Variants in RUNX2 observed in about 807,000 individuals in gnomAD.
The protein encoded by RUNX2 is RUNX family transcription factor 2.
A neutral mutation model predicts 51.7 loss-of-function variants in RUNX2; 10 were observed. That is an observed-to-expected ratio of 0.19 (90% CI 0.12 to 0.33). The LOEUF (loss-of-function observed/expected upper bound fraction) is 0.33, where lower values mean the gene tolerates loss of function less well. RUNX2 is among the 10% of genes least tolerant of loss of function. RUNX2 has a pLI of 1.00. For synonymous variants in RUNX2, 276 were observed against 273.6 expected (o/e 1.01, Z -0.09); for missense variants, 562 against 691.3 (o/e 0.81, Z 2.10).
intron 2 of RUNX2, among the ~76,000 whole-genome samples, chr6:45,409,062 G>A (rs183568235): frequency 6.6e-6 from 1 of 152,226 alleles, no homozygotes; most frequent in East Asian, 1.9e-4. Context: ...TATCTCACAA[G>A]CCACTAGCTT....
At chr6:45,500,886 T>C (rs1037422059) in intron 6 of RUNX2, among the ~76,000 whole-genome samples, 1 of 152,228 alleles carries the variant, frequency 6.6e-6, no homozygotes. Flanking sequence ...CAGTTTCCCA[T>C]GTGGGGGAAT....
intron 7 of RUNX2, among the ~76,000 whole-genome samples, chr6:45,528,651 G>A (rs1325975859): frequency 6.6e-6 from 1 of 152,114 alleles, no homozygotes; most frequent in Non-Finnish European, 1.5e-5. Context: ...TCAATGGAAA[G>A]CATCATGCAT....
At chr6:45,329,758 T>G (rs1787083236) in intron 2 of RUNX2, among the ~76,000 whole-genome samples, 1 of 151,966 alleles carries the variant, frequency 6.6e-6, no homozygotes, top group Admixed American at 6.6e-5. Context: ...CAAGTTACTG[T>G]TGATACAGAT....
intron 5 of RUNX2, among the ~76,000 whole-genome samples, chr6:45,466,582 T>C (rs1799636416): frequency 6.6e-6 from 1 of 152,214 alleles, no homozygotes; most frequent in Non-Finnish European, 1.5e-5. Flanking sequence ...GTGGCCAGGA[T>C]GGCATTGACA....
At chr6:45,374,812 A>G (rs1796545091) in intron 2 of RUNX2, among the ~76,000 whole-genome samples, 1 of 152,220 alleles carries the variant, frequency 6.6e-6, no homozygotes, top group Non-Finnish European at 1.5e-5. Flanking sequence ...GCAAAATTTT[A>G]AAATTATCAG....
At chr6:45,354,027 T>C (rs1338238526) in intron 2 of RUNX2, among the ~76,000 whole-genome samples, 2 of 152,126 alleles carry the variant, frequency 1.3e-5, no homozygotes, top group Non-Finnish European at 2.9e-5. Flanking sequence ...AAACACAATA[T>C]TTTTACTGTT....
At chr6:45,407,842 T>C (rs1336255852) in intron 2 of RUNX2, among the ~76,000 whole-genome samples, 1 of 151,846 alleles carries the variant, frequency 6.6e-6, no homozygotes, top group Non-Finnish European at 1.5e-5. Flanking sequence ...TGCTTTAGAG[T>C]CTCAATTAGT....
chr6:45,468,606 A>G (rs1186082037), intron 5 of RUNX2, among the ~76,000 whole-genome samples: 1 of 152,234 alleles, frequency 6.6e-6, no homozygotes, highest in Non-Finnish European at 1.5e-5. Flanking sequence ...TTATTCCTAG[A>G]AAACCCAATG....
At position 45,539,211 on chromosome 6, in the gene RUNX2, G is replaced by GTT. The variant is rs36060587; in HGVS notation, c.1022-5998_1022-5997dup. Among the ~76,000 whole-genome samples, 572 of 150,914 alleles carry GTT rather than the reference G, an allele frequency of 3.8e-3. 2 individuals are homozygous for GTT. Among genetic ancestry groups the GTT allele is most frequent in the African/African-American group, 0.013 (532 of 41,076 alleles). On this transcript the variant is annotated intron_variant, in intron 7 of 8. Coordinates refer to ENST00000647337, the MANE Select transcript of RUNX2 (RefSeq NM_001024630.4). ...GGCTGAATTTTCTGAAAATTGCCAG[G>GTT]TTTTTTTTTCTCTCTCTCTCTCTCT... is the stretch of plus-strand genomic sequence containing the variant.
At chr6:45,489,493 A>C (rs566745717) in intron 5 of RUNX2, among the ~76,000 whole-genome samples, 1 of 152,328 alleles carries the variant, frequency 6.6e-6, no homozygotes, top group African/African-American at 2.4e-5. Context: ...AAGCTTATTA[A>C]ATTTTCTTGT....
chr6:45,486,585 T>A (rs1445277547), intron 5 of RUNX2, among the ~76,000 whole-genome samples: 1 of 152,220 alleles, frequency 6.6e-6, no homozygotes, highest in Non-Finnish European at 1.5e-5. Flanking sequence ...CATGCCCTAG[T>A]GATCAGCAAA....
At chr6:45,505,333 C>T (rs944233124) in intron 6 of RUNX2, among the ~76,000 whole-genome samples, 5 of 151,580 alleles carry the variant, frequency 3.3e-5, no homozygotes, top group Admixed American at 6.6e-5. Context: ...TATGTTTTCC[C>T]GGAGTCAGTT....
intron 2 of RUNX2, among the ~76,000 whole-genome samples, chr6:45,401,509 T>C (rs750693035): frequency 2.0e-5 from 3 of 152,236 alleles, no homozygotes; most frequent in East Asian, 1.9e-4. Context: ...ACTAGTTGTA[T>C]AACTTCTTTG....
In RUNX2 at chr6:45,328,790, T is replaced by C; in HGVS notation, c.58+6T>C. 6.2e-7 allele frequency: 1 copy of C among 1,611,770 alleles called. No individual in the cohort carries two copies. The highest frequency in any genetic ancestry group is 8.5e-7 in the Non-Finnish European group (1 of 1,178,386). ...TCAGCAAAACTTCTTTTGGGGTAAG[T>C]GTTACCATTTTTAAAATCCTGTAAG... On this transcript the variant is annotated splice_donor_region_variant and intron_variant, in intron 2 of 8. Coordinates refer to ENST00000647337, the MANE Select transcript of RUNX2 (RefSeq NM_001024630.4).
At chr6:45,482,125 C>CT (rs1168078928) in intron 5 of RUNX2, among the ~76,000 whole-genome samples, 2 of 152,188 alleles carry the variant, frequency 1.3e-5, no homozygotes, top group Non-Finnish European at 2.9e-5. Flanking sequence ...CCGGTTAGCT[C>CT]TTTTTTTCCT....
chr6:45,381,754 A>G (rs935668168), intron 2 of RUNX2, among the ~76,000 whole-genome samples: 1 of 152,160 alleles, frequency 6.6e-6, no homozygotes, highest in African/African-American at 2.4e-5. Flanking sequence ...CAAAAGAAAA[A>G]CCAGCGTGAA....
Position 45,328,711 on chromosome 6 carries a change from A to T in RUNX2, c.-16A>T. ...ACAGAGGGTACAAGTTCTATCTGAA[A>T]AAAAAAGGAGGGACTATGGCATCAA... On this transcript the variant is annotated 5_prime_UTR_variant, in exon 2 of 9. Coordinates refer to ENST00000647337, the MANE Select transcript of RUNX2 (RefSeq NM_001024630.4). The T allele has an allele frequency of 6.2e-7, 1 of 1,612,066 alleles. No individual in the cohort carries two copies. The highest frequency in any genetic ancestry group is 8.5e-7 in the Non-Finnish European group (1 of 1,178,636).
chr6:45,441,091 T>C (rs1441351510), intron 5 of RUNX2, among the ~76,000 whole-genome samples: 1 of 152,192 alleles, frequency 6.6e-6, no homozygotes, highest in African/African-American at 2.4e-5. Flanking sequence ...GAACAATTTA[T>C]ATGCAATTGT....
At position 45,527,570 on chromosome 6, in the gene RUNX2, A is replaced by G. The variant is rs989091550; in HGVS notation, c.1021+15163A>G. Reference sequence around the variant, plus strand: ...CTCCCAATTGTTAGTTTACTTTAAAAGGAATAATATTGCATCTTTTACAAG... The same window carrying G: ...CTCCCAATTGTTAGTTTACTTTAAAGGGAATAATATTGCATCTTTTACAAG... On this transcript the variant is annotated intron_variant, in intron 7 of 8. Transcript: ENST00000647337. 3.3e-5 allele frequency among the ~76,000 whole-genome samples: 5 copies of G among 152,212 alleles called. No individual in the cohort carries two copies. In the South Asian group the frequency reaches 1.0e-3, roughly 31 times the overall value.
Sources: allele counts gnomAD v4.1 joint callset (sites outside exome capture counted in the v4.1 genomes callset), GRCh38; gene constraint gnomAD v4.1.1; transcripts MANE v1.5; gene names NCBI Gene and HGNC (gene_info 2026-07-23, HGNC 2026-07-21).